RERE: variants seen among roughly 807,000 people sequenced by gnomAD.
The protein encoded by RERE is arginine-glutamic acid dipeptide repeats protein.
A neutral mutation model predicts 146.1 loss-of-function variants in RERE; 40 were observed. The ratio of observed to expected loss-of-function variants is 0.27; its 90% CI spans 0.21 to 0.36. The LOEUF (loss-of-function observed/expected upper bound fraction) is 0.36, where lower values mean the gene tolerates loss of function less well. RERE is among the 10% of genes least tolerant of loss of function. RERE has a pLI of 1.00. For synonymous variants in RERE, 1,003 were observed against 866.0 expected (o/e 1.16, Z -2.78); for missense variants, 1,933 against 2,138.7 (o/e 0.90, Z 1.90).
intron 11 of RERE, among the ~76,000 whole-genome samples, chr1:8,442,387 A>T (rs1448027928): frequency 1.0e-5 from 1 of 100,104 alleles, no homozygotes; most frequent in Admixed American, 9.5e-5. Flanking sequence ...ACTCCATCTT[A>T]AAAAAAAAAA....
chr1:8,364,339 C>T lies in RERE; in HGVS notation c.1541-84G>A. 7.9e-7 allele frequency: 1 copy of T among 1,264,834 alleles called. No individual in the cohort carries two copies. The highest frequency in any genetic ancestry group is 1.1e-6 in the Non-Finnish European group (1 of 873,590). 78.4% of individuals were successfully genotyped at this position (1,264,834 alleles called of 1,614,324 possible). ...CTGGGCAGAGGGGCCCTTCTGTGGG[C>T]TCTACCCAAACCTGATGCCACCAGC... On this transcript the variant is annotated intron_variant, in intron 14 of 22. Coordinates refer to ENST00000400908, the MANE Select transcript of RERE (RefSeq NM_001042681.2). This position sits in a 1 kb window ranked among gnomAD's most constrained non-coding sequence, Gnocchi z 5.1.
At chr1:8,440,352 G>C (rs530594381) in intron 11 of RERE, among the ~76,000 whole-genome samples, 1 of 152,118 alleles carries the variant, frequency 6.6e-6, no homozygotes, top group South Asian at 2.1e-4. Flanking sequence ...TAGCACTTTG[G>C]GAGGCCGAGG....
intron 12 of RERE, among the ~76,000 whole-genome samples, chr1:8,379,531 C>T (rs373350597): frequency 6.6e-5 from 10 of 152,160 alleles, no homozygotes; most frequent in Admixed American, 3.9e-4. Flanking sequence ...CATGGATCTC[C>T]GAATCTGTGA....
intron 1 of RERE, among the ~76,000 whole-genome samples, chr1:8,759,695 C>T (rs1640712632): frequency 6.6e-6 from 1 of 152,146 alleles, no homozygotes; most frequent in Non-Finnish European, 1.5e-5. Context: ...TGTACACCCA[C>T]TACGCTCAAT....
chr1:8,654,407 C>T (rs191736716), intron 2 of RERE, among the ~76,000 whole-genome samples: 74 of 152,196 alleles, frequency 4.9e-4, no homozygotes, highest in African/African-American at 1.7e-3. Context: ...ACGTGAAGTT[C>T]ATAACAGTAA....
At chr1:8,363,882 C>A in intron 15 of RERE, 174 bp downstream of exon 15, 1 of 634,942 alleles carries the variant, frequency 1.6e-6, no homozygotes, top group Non-Finnish European at 2.7e-6. Context: ...AAGGAGAGAA[C>A]AGAGAACTCT....
chr1:8,713,275 T>C (rs1294782586), intron 1 of RERE, among the ~76,000 whole-genome samples: 1 of 152,240 alleles, frequency 6.6e-6, no homozygotes, highest in Non-Finnish European at 1.5e-5. Context: ...TTCTATTGAT[T>C]ACCTCTATTT....
chr1:8,626,044 T>C (rs1222877445), intron 2 of RERE, among the ~76,000 whole-genome samples: 1 of 152,176 alleles, frequency 6.6e-6, no homozygotes, highest in African/African-American at 2.4e-5. Flanking sequence ...TGTTCCAAGG[T>C]CCCAGATGCT....
At chr1:8,668,682 T>C (rs781425889) in intron 1 of RERE, among the ~76,000 whole-genome samples, 1 of 152,188 alleles carries the variant, frequency 6.6e-6, no homozygotes, top group African/African-American at 2.4e-5. Context: ...GAAAACATTA[T>C]GCTAAATGAA....
chr1:8,625,442 A>G (rs1646963466), intron 2 of RERE, among the ~76,000 whole-genome samples: 2 of 152,160 alleles, frequency 1.3e-5, no homozygotes, highest in African/African-American at 4.8e-5. Flanking sequence ...CAGTCAATGA[A>G]ATCTAGGAAT....
intron 4 of RERE, among the ~76,000 whole-genome samples, chr1:8,575,561 A>ATATT (rs1337650659): frequency 9.5e-4 from 94 of 98,652 alleles, no homozygotes; most frequent in Non-Finnish European, 1.3e-3. Context: ...ATATATATAT[A>ATATT]TTTTTTTTTT....
intron 4 of RERE, among the ~76,000 whole-genome samples, chr1:8,584,277 T>G (rs535130649): frequency 1.3e-5 from 2 of 152,178 alleles, no homozygotes; most frequent in African/African-American, 4.8e-5. Flanking sequence ...AAATAGGCAC[T>G]GGGCATGGTG....
At chr1:8,397,588 GA>G (rs34958833) in intron 12 of RERE, among the ~76,000 whole-genome samples, 70,266 of 138,510 alleles carry the variant, frequency 0.51, 18,044 homozygotes, top group Middle Eastern at 0.71. Flanking sequence ...ACTCACACAG[GA>G]AAAAAAAAAA....
intron 1 of RERE, among the ~76,000 whole-genome samples, chr1:8,698,793 C>G (rs750170175): frequency 2.6e-5 from 4 of 152,162 alleles, no homozygotes; most frequent in Non-Finnish European, 5.9e-5. Context: ...GCTAGGATTA[C>G]AGACGTGAGC....
chr1:8,816,796 C>T (rs1641921138), intron 1 of RERE, among the ~76,000 whole-genome samples: 1 of 152,108 alleles, frequency 6.6e-6, no homozygotes, highest in African/African-American at 2.4e-5. Flanking sequence ...CCCAGCACCC[C>T]GAAATCCACA....
intron 6 of RERE, among the ~76,000 whole-genome samples, chr1:8,542,961 T>G (rs1645816969): frequency 1.3e-5 from 2 of 152,196 alleles, no homozygotes; most frequent in African/African-American, 4.8e-5. Context: ...CTGATAAAAC[T>G]GAGAACTGAA....
At chr1:8,646,299 G>C (rs1326937669) in intron 2 of RERE, among the ~76,000 whole-genome samples, 1 of 152,070 alleles carries the variant, frequency 6.6e-6, no homozygotes. Context: ...GAGATGCTGA[G>C]GCAAGACTCC....
At chr1:8,613,392 C>G (rs763949391) in intron 4 of RERE, among the ~76,000 whole-genome samples, 1 of 152,164 alleles carries the variant, frequency 6.6e-6, no homozygotes, top group Non-Finnish European at 1.5e-5. Flanking sequence ...GACTCGTCAG[C>G]CTCACTGCCT....
chr1:8,445,679 C>T (rs2124031909), intron 11 of RERE, among the ~76,000 whole-genome samples: 1 of 152,082 alleles, frequency 6.6e-6, no homozygotes, highest in Non-Finnish European at 1.5e-5. Flanking sequence ...CGGCAGGAAC[C>T]CCACCTTTTT....
Sources: gnomAD v4.1 joint callset for allele counts (sites outside exome capture counted in the v4.1 genomes callset) on GRCh38, gnomAD v4.1.1 for gene constraint, Gnocchi (gnomAD v3.1) non-coding constraint, MANE v1.5 for transcripts, NCBI Gene and HGNC (gene_info 2026-07-23, HGNC 2026-07-21) for gene names.